Variants in PRKN observed in about 807,000 individuals in gnomAD.
The protein encoded by PRKN is parkin RBR E3 ubiquitin protein ligase, also known as E3 ubiquitin-protein ligase parkin.
A neutral mutation model predicts 59.5 loss-of-function variants in PRKN; 56 were observed. That is an observed-to-expected ratio of 0.94 (90% confidence interval 0.76 to 1.18). The LOEUF (loss-of-function observed/expected upper bound fraction) is 1.18. Among genes scored for constraint, PRKN ranks in the 50% most tolerant of loss-of-function variants. The pLI is 0.00. For missense variants in PRKN, 657 were observed against 596.4 expected, an observed-to-expected ratio of 1.10 and a Z score of -1.06; for synonymous variants, 250 against 222.1, an observed-to-expected ratio of 1.13 and a Z score of -1.12.
At chr6:162,435,473 A>G (rs1300238680) in intron 2 of PRKN, among the ~76,000 whole-genome samples, 1 of 152,200 alleles carries the variant, frequency 6.6e-6, no homozygotes, top group Non-Finnish European at 1.5e-5. Context: ...AGAGTTCTGA[A>G]TTATGCAAAG....
intron 7 of PRKN, among the ~76,000 whole-genome samples, chr6:161,612,020 T>C (rs887260693): frequency 6.6e-6 from 1 of 152,224 alleles, no homozygotes; most frequent in African/African-American, 2.4e-5. Flanking sequence ...AGCCAAAGCA[T>C]AATCCAGAGC....
At chr6:161,841,321 C>T (rs1449773693) in intron 6 of PRKN, among the ~76,000 whole-genome samples, 3 of 151,316 alleles carry the variant, frequency 2.0e-5, no homozygotes, top group African/African-American at 7.3e-5. Flanking sequence ...AATCCTCTTC[C>T]TATCTGCCAT....
chr6:162,384,647 T>TAAAAA (rs774251208), intron 2 of PRKN, among the ~76,000 whole-genome samples: 5 of 93,426 alleles, frequency 5.4e-5, no homozygotes, highest in African/African-American at 7.8e-5. Context: ...CTTCAATTTG[T>TAAAAA]AAAAAAAAAA....
At chr6:162,101,217 C>A (rs1562513674) in intron 4 of PRKN, among the ~76,000 whole-genome samples, 1 of 151,882 alleles carries the variant, frequency 6.6e-6, no homozygotes, top group Non-Finnish European at 1.5e-5. Context: ...TCAGTTCTTA[C>A]ATTTACAGCT....
intron 7 of PRKN, among the ~76,000 whole-genome samples, chr6:161,590,677 G>A (rs1781687166): frequency 6.6e-6 from 1 of 151,826 alleles, no homozygotes; most frequent in African/African-American, 2.4e-5. Context: ...AGGTTGTGGT[G>A]GGCCAAGATC....
intron 3 of PRKN, among the ~76,000 whole-genome samples, chr6:162,242,354 G>C (rs11754161): frequency 0.13 from 19,208 of 152,078 alleles, 1,335 homozygotes; most frequent in South Asian, 0.26. Flanking sequence ...AGAAAATGCA[G>C]GCCAGAAACT....
chr6:162,432,912 G>A (rs879402755), intron 2 of PRKN, among the ~76,000 whole-genome samples: 5 of 152,098 alleles, frequency 3.3e-5, no homozygotes, highest in Admixed American at 2.6e-4. Context: ...TACATTCAGT[G>A]CATTAAAAAA....
rs146437566 is a variant in PRKN at position 161,857,306 on chromosome 6, C to T, written c.735-71398G>A. Among the ~76,000 whole-genome samples, 622 of 152,290 alleles carry T rather than the reference C, an allele frequency of 4.1e-3. 3 individuals are homozygous for T. The highest frequency in any genetic ancestry group is 0.014 in the African/African-American group (582 of 41,560). ...CCTCTATCAGAACGGCTCAACTCTA[C>T]CACTGCGGTGTGAAAGCAGCCACAG... On this transcript the variant is annotated intron_variant, in intron 6 of 11. Coordinates refer to ENST00000366898, the MANE Select transcript of PRKN (RefSeq NM_004562.3).
intron 6 of PRKN, among the ~76,000 whole-genome samples, chr6:161,897,814 A>G (rs1301049905): frequency 1.9e-5 from 2 of 105,018 alleles, no homozygotes; most frequent in African/African-American, 1.1e-4. Context: ...CTGAAAATAC[A>G]AAAAGTTCCG....
intron 4 of PRKN, among the ~76,000 whole-genome samples, chr6:162,109,045 T>C (rs1179095026): frequency 6.6e-6 from 1 of 152,228 alleles, no homozygotes; most frequent in African/African-American, 2.4e-5. Flanking sequence ...ATACCCACTT[T>C]TAATTTCATG....
chr6:161,498,399 C>T lies in PRKN; in HGVS notation c.1083+50455G>A, dbSNP rs762324116. On this transcript the variant is annotated intron_variant, in intron 9 of 11. Transcript: ENST00000366898. The surrounding 1 kb of genome is among the most constrained non-coding windows in gnomAD (Gnocchi z 4.2). Reference sequence around the variant, plus strand: ...CTCACTCTCTGGTTTGGAATTCAAGCCTCCTCCCAACACACCACATGACCC... The same window carrying T: ...CTCACTCTCTGGTTTGGAATTCAAGTCTCCTCCCAACACACCACATGACCC... Among the ~76,000 whole-genome samples, 1 of 152,192 alleles carries T rather than the reference C, an allele frequency of 6.6e-6. No individual in the cohort carries two copies.
chr6:162,044,372 C>T (rs1280064114), intron 5 of PRKN, among the ~76,000 whole-genome samples: 1 of 152,200 alleles, frequency 6.6e-6, no homozygotes, highest in African/African-American at 2.4e-5. Context: ...CAGAGCAGTT[C>T]CCTGCTGCCA....
chr6:162,150,555 G>A (rs1453032032), intron 4 of PRKN, among the ~76,000 whole-genome samples: 1 of 152,192 alleles, frequency 6.6e-6, no homozygotes, highest in East Asian at 1.9e-4. Context: ...ACGCAGCACA[G>A]TATGGATTTT....
chr6:162,493,554 T>C (rs1156663194), intron 1 of PRKN, among the ~76,000 whole-genome samples: 6 of 152,274 alleles, frequency 3.9e-5, no homozygotes, highest in Non-Finnish European at 5.9e-5. Context: ...AGAAACTACA[T>C]ATTTCAAAGA....
At chr6:162,152,258 T>C (rs772244326) in intron 4 of PRKN, among the ~76,000 whole-genome samples, 2 of 152,332 alleles carry the variant, frequency 1.3e-5, no homozygotes, top group Middle Eastern at 3.4e-3. Context: ...CATCGTTTCC[T>C]AGTATTTCAC....
At chr6:161,712,865 T>G (rs1213271407) in intron 7 of PRKN, among the ~76,000 whole-genome samples, 1 of 152,162 alleles carries the variant, frequency 6.6e-6, no homozygotes, top group Admixed American at 6.5e-5. Context: ...TATGACCAGA[T>G]GGTGGTGGGG....
intron 7 of PRKN, among the ~76,000 whole-genome samples, chr6:161,611,492 T>A (rs1351255503): frequency 6.6e-6 from 1 of 152,232 alleles, no homozygotes; most frequent in East Asian, 1.9e-4. Context: ...TTTGTCATCA[T>A]CATATTTGTT....
intron 4 of PRKN, among the ~76,000 whole-genome samples, chr6:162,154,691 C>A (rs1782428794): frequency 6.6e-6 from 1 of 152,016 alleles, no homozygotes; most frequent in South Asian, 2.1e-4. Flanking sequence ...ATATGAAATA[C>A]AAGGTAGATA....
intron 1 of PRKN, among the ~76,000 whole-genome samples, chr6:162,721,869 T>A (rs1778952813): frequency 6.6e-6 from 1 of 152,180 alleles, no homozygotes; most frequent in Non-Finnish European, 1.5e-5. Context: ...AACTGGATCT[T>A]GAGTGATGAA....
Sources: gnomAD v4.1 joint callset for allele counts (sites outside exome capture counted in the v4.1 genomes callset) on GRCh38, gnomAD v4.1.1 for gene constraint, Gnocchi (gnomAD v3.1) non-coding constraint, MANE v1.5 for transcripts, NCBI Gene and HGNC (gene_info 2026-07-23, HGNC 2026-07-21) for gene names.